Variants in CDK4 observed in about 807,000 individuals in gnomAD.
The protein encoded by CDK4 is cyclin dependent kinase 4.
In CDK4, 13 loss-of-function variants were observed where a neutral mutation model predicts 36.7. The ratio of observed to expected loss-of-function variants is 0.35; its 90% CI spans 0.23 to 0.56. CDK4 has a LOEUF of 0.56. Among genes scored for constraint, CDK4 ranks in the 20% least tolerant of loss-of-function variants. The pLI is 0.85. For synonymous variants in CDK4, 158 were observed against 146.4 expected (o/e 1.08, Z -0.57); for missense variants, 285 against 387.3 (o/e 0.74, Z 2.22).
At chr12:57,750,825 T>G in intron 4 of CDK4, 60 bp from the exon 5 acceptor site, 1 of 1,593,660 alleles carries the variant, frequency 6.3e-7, no homozygotes, top group South Asian at 1.1e-5. Flanking sequence ...CACAACTTGC[T>G]TGACTGAACA....
At chr12:57,748,659 G>T (rs2140381456) in intron 7 of CDK4, 42 bp from the exon 8 acceptor site, 1 of 1,329,660 alleles carries the variant, frequency 7.5e-7, no homozygotes, top group South Asian at 1.2e-5. Context: ...GAAGAAAACA[G>T]ACTTCTGCCC....
In CDK4 at chr12:57,751,120, T is replaced by G; in HGVS notation, c.355-30A>C. On this transcript the variant is annotated intron_variant, in intron 3 of 7. Transcript: ENST00000257904. This position sits in a 1 kb window ranked among gnomAD's most constrained non-coding sequence, Gnocchi z 4.5. ...TTTCAAAGGGGAGGTACAGATGCAC[T>G]GGAAACTAGGCACCATACCTGAAAT... The G allele has an allele frequency of 1.2e-6, 2 of 1,614,162 alleles. No homozygotes were observed. Among genetic ancestry groups the G allele is most frequent in the Non-Finnish European group, 1.7e-6 (2 of 1,180,010 alleles).
rs1555201131 is a variant in CDK4, at chr12:57,749,497, A to G, written c.640T>C (p.Phe214Leu). Reference sequence around the variant, plus strand: ...TGGTCGGCTTCAGAGTTTCCACAGAAGAGAGGCCTAAGGTGAGAAGGGATA... The same window carrying G: ...TGGTCGGCTTCAGAGTTTCCACAGAGGAGAGGCCTAAGGTGAGAAGGGATA... ...FAEMFRRKPL[F>L]CGNSEADQLG... Residue 214 changes from phenylalanine to leucine, a missense_variant, in exon 6 of 8, where the codon TTC becomes CTC. By Grantham distance (22) the Phe-to-Leu change is conservative. Transcript: ENST00000257904. 2 of 1,614,062 alleles carry G rather than the reference A, an allele frequency of 1.2e-6. No individual in the cohort carries two copies. Among genetic ancestry groups the G allele is most frequent in the African/African-American group, 2.7e-5 (2 of 74,944 alleles).
Position 57,751,880 on chromosome 12 carries a change from G to A in CDK4, c.-19-144C>T. On this transcript the variant is annotated intron_variant, in intron 1 of 7. Coordinates refer to ENST00000257904, the MANE Select transcript of CDK4 (RefSeq NM_000075.4). The surrounding 1 kb of genome is among the most constrained non-coding windows in gnomAD (Gnocchi z 4.5). ...CCGCTCCCAGTCTTCCTTGGGGCCG[G>A]CCCCAGAGATAACACAATGACTCAA... The A allele has an allele frequency of 1.5e-6, 1 of 674,578 alleles. No individual in the cohort carries two copies. The highest frequency in any genetic ancestry group is 2.6e-6 in the Non-Finnish European group (1 of 381,584). The allele number at this position is 674,578 out of a possible 1,614,324, so 41.8% of individuals were successfully genotyped here.
At position 57,750,781 on chromosome 12, in the gene CDK4, A is replaced by G. The variant is rs368524338; in HGVS notation, c.523-16T>C. On this transcript the variant is annotated splice_polypyrimidine_tract_variant and intron_variant, in intron 4 of 7. Coordinates refer to ENST00000257904, the MANE Select transcript of CDK4 (RefSeq NM_000075.4). ...GTGTAACAACCTAAAGGGAATAGGA[A>G]GAATGGATGGGGACCCCATGGGTTA... 9 of 1,607,756 alleles carry G rather than the reference A, an allele frequency of 5.6e-6. No homozygotes were observed. Among genetic ancestry groups the G allele is most frequent in the Non-Finnish European group, 6.8e-6 (8 of 1,174,276 alleles).
chr12:57,748,710 T>TC (rs60882808), intron 7 of CDK4, 93 bp from the exon 8 acceptor site: 48 of 569,594 alleles, frequency 8.4e-5, no homozygotes, highest in African/African-American at 4.5e-4. Context: ...TCTTTTTTCT[T>TC]TTTTTTTTTT....
In CDK4 at chr12:57,748,461, G is replaced by T; in HGVS notation, c.*64C>A. ...AGCCTCAGAGATAAAGGCAAAGATT[G>T]CCCTCTCAGTGTCCAGAAGGGAAAT... On this transcript the variant is annotated 3_prime_UTR_variant, in exon 8 of 8. Coordinates refer to ENST00000257904, the MANE Select transcript of CDK4 (RefSeq NM_000075.4). The T allele has an allele frequency of 1.7e-6, 2 of 1,149,684 alleles. No individual in the cohort carries two copies. Among genetic ancestry groups the T allele is most frequent in the Non-Finnish European group, 2.6e-6 (2 of 758,706 alleles). 71.2% of individuals were successfully genotyped at this position (1,149,684 alleles called of 1,614,324 possible). A position where few individuals can be genotyped will look rare whatever the true frequency, so the allele number is the denominator to read the frequency against.
chr12:57,750,443 T>C (rs781097750), intron 5 of CDK4: 2 of 582,348 alleles, frequency 3.4e-6, no homozygotes, highest in East Asian at 6.6e-5. Context: ...GGTGCGTGCC[T>C]GTAGTGTCAG....
At position 57,749,301 on chromosome 12, in the gene CDK4, G is replaced by A. The variant is rs1474793589; in HGVS notation, c.700C>T (p.Pro234Ser). 6.2e-7 allele frequency: 1 copy of A among 1,614,114 alleles called. No homozygotes were observed. The highest frequency in any genetic ancestry group is 1.7e-5 in the Admixed American group (1 of 60,018). Residue 234 changes from proline (P) to serine (S), a missense_variant, in exon 7 of 8, where the codon CCA becomes TCA. Transcript: ENST00000257904. ...GKIFDLIGLP[P>S]EDDWPRDVSL... ...ACATCTCGAGGCCAGTCATCCTCTGGAGGCAGCCCAATCAGGCTGTGGGGG... is the reference window on the plus strand; with the variant it reads ...ACATCTCGAGGCCAGTCATCCTCTGAAGGCAGCCCAATCAGGCTGTGGGGG...
rs1565806506 is a variant in CDK4 at position 57,750,960 on chromosome 12, G to T, written c.485C>A (p.Ala162Asp). 6.2e-7 allele frequency: 1 copy of T among 1,614,018 alleles called. No homozygotes were observed. The highest frequency in any genetic ancestry group is 8.5e-7 in the Non-Finnish European group (1 of 1,180,018). ...TGCCATCTGGTAGCTGTAGATTCTG[G>T]CCAGGCCAAAGTCAGCCAGCTTGAC... ...GTVKLADFGL[A>D]RIYSYQMALT... The change falls in exon 4 of 8, where the codon GCC becomes GAC. Residue 162 changes from alanine to aspartate, a missense_variant. Coordinates refer to ENST00000257904, the MANE Select transcript of CDK4 (RefSeq NM_000075.4).
In CDK4 at chr12:57,751,762, A is replaced by T; in HGVS notation, c.-19-26T>A. ...CTACAATCACAGACTCCTATCACCA[A>T]AAGTCGCTTACAGAGTTAGGATGGT... On this transcript the variant is annotated intron_variant, in intron 1 of 7. Transcript: ENST00000257904. This position sits in a 1 kb window ranked among gnomAD's most constrained non-coding sequence, Gnocchi z 4.5. 6.3e-7 allele frequency: 1 copy of T among 1,575,370 alleles called. No homozygotes were observed. The highest frequency in any genetic ancestry group is 8.7e-7 in the Non-Finnish European group (1 of 1,147,386).
In CDK4 at chr12:57,748,276, G is replaced by T; in HGVS notation, c.*249C>A. 1 of 428,772 alleles carries T rather than the reference G, an allele frequency of 2.3e-6. No individual in the cohort carries two copies. The highest frequency in any genetic ancestry group is 2.0e-5 in the African/African-American group (1 of 50,620). 26.6% of individuals were successfully genotyped at this position (428,772 alleles called of 1,614,324 possible). A position where few individuals can be genotyped will look rare whatever the true frequency, so the allele number is the denominator to read the frequency against. On this transcript the variant is annotated 3_prime_UTR_variant, in exon 8 of 8. Coordinates refer to ENST00000257904, the MANE Select transcript of CDK4 (RefSeq NM_000075.4). ...GTTTTGTTTTTCCTGTATAAAAAAGGACCCCAAATATAAAGGTAGGGAAAG... is the reference window on the plus strand; with the variant it reads ...GTTTTGTTTTTCCTGTATAAAAAAGTACCCCAAATATAAAGGTAGGGAAAG...
intron 5 of CDK4, chr12:57,750,363 C>G (rs951165679): frequency 2.6e-6 from 1 of 385,730 alleles, no homozygotes; most frequent in Non-Finnish European, 5.0e-6. Context: ...TGCAAGAGTT[C>G]AAGACCAGCC....
At position 57,751,929 on chromosome 12, in the gene CDK4, G is replaced by A. The variant is rs1955242694; in HGVS notation, c.-19-193C>T. 1 of 606,626 alleles carries A rather than the reference G, an allele frequency of 1.6e-6. No individual in the cohort carries two copies. Among genetic ancestry groups the A allele is most frequent in the Admixed American group, 2.9e-5 (1 of 34,384 alleles). The allele number at this position is 606,626 out of a possible 1,614,324, so 37.6% of individuals were successfully genotyped here. On this transcript the variant is annotated intron_variant, in intron 1 of 7. Transcript: ENST00000257904. The surrounding 1 kb of genome is among the most constrained non-coding windows in gnomAD (Gnocchi z 4.5). ...AATACCAACCCCTCCAGCCACGTGA[G>A]GCCCTGCAATAGAAAACGCTTTTTC...
intron 5 of CDK4, chr12:57,750,367 A>G (rs959622057): frequency 7.7e-6 from 3 of 389,350 alleles, no homozygotes; most frequent in African/African-American, 4.2e-5. Flanking sequence ...AGAGTTCAAG[A>G]CCAGCCTGGG....
rs770044583 is a variant in CDK4, at chr12:57,748,513, C to G, written c.*12G>C. 6.3e-7 allele frequency: 1 copy of G among 1,591,486 alleles called. No homozygotes were observed. Among genetic ancestry groups the G allele is most frequent in the Admixed American group, 1.7e-5 (1 of 59,990 alleles). On this transcript the variant is annotated 3_prime_UTR_variant, in exon 8 of 8. Transcript: ENST00000257904. The stretch of plus-strand genomic sequence containing the variant: ...GCAGCTTTTCTTCCTTCCATGGCAG[C>G]CACTCCATTGCTCACTCCGGATTAC...
Position 57,748,304 on chromosome 12 carries a change from A to T in CDK4, c.*221T>A, listed in dbSNP as rs890445351. ...CCCAAATATAAAGGTAGGGAAAGGGACAAGAGGGAACATACCCCTTAGTGT... is the reference window on the plus strand; with the variant it reads ...CCCAAATATAAAGGTAGGGAAAGGGTCAAGAGGGAACATACCCCTTAGTGT... On this transcript the variant is annotated 3_prime_UTR_variant, in exon 8 of 8. Transcript: ENST00000257904. The T allele has an allele frequency of 1.8e-5, 10 of 553,054 alleles. No individual in the cohort carries two copies. The African/African-American group carries it at 1.9e-4, about 10-fold the overall frequency. The allele number at this position is 553,054 out of a possible 1,614,324, so 34.3% of individuals were successfully genotyped here.
At chr12:57,749,546 A>G (rs1346072763) in intron 5 of CDK4, 42 bp from the exon 6 acceptor site, 1 of 1,586,426 alleles carries the variant, frequency 6.3e-7, no homozygotes, top group Non-Finnish European at 8.7e-7. Context: ...ATTTTCAAAG[A>G]TATCTTAGTT....
chr12:57,748,677 A>AC, intron 7 of CDK4, 60 bp from the exon 8 acceptor site: 1 of 1,113,552 alleles, frequency 9.0e-7, no homozygotes, highest in East Asian at 2.4e-5. Flanking sequence ...CCCACCCACA[A>AC]CAATACCTGG....
Sources: allele counts gnomAD v4.1 joint callset, GRCh38; gene constraint gnomAD v4.1.1; non-coding constraint Gnocchi (gnomAD v3.1); transcripts MANE v1.5; gene names NCBI Gene and HGNC (gene_info 2026-07-23, HGNC 2026-07-21).